Variants in GSE1 observed in about 807,000 individuals in gnomAD.
GSE1 encodes genetic suppressor element 1.
A neutral mutation model predicts 112.6 loss-of-function variants in GSE1; 32 were observed. That is an observed-to-expected ratio of 0.28 (90% CI 0.21 to 0.38). The LOEUF (loss-of-function observed/expected upper bound fraction) is 0.38. Ranked by LOEUF, GSE1 falls within the 10% of genes least tolerant of loss-of-function variation. The pLI is 1.00. For synonymous variants in GSE1, 1,115 were observed against 735.6 expected (o/e 1.52, Z -8.35); for missense variants, 2,348 against 1,699.2 (o/e 1.38, Z -6.71).
chr16:85,627,602 C>A (rs1392097982), intron 1 of GSE1, among the ~76,000 whole-genome samples: 1 of 152,100 alleles, frequency 6.6e-6, no homozygotes. Context: ...TCCACCTAGA[C>A]CCCTGGCTCG....
chr16:85,612,042 G>A (rs1244359707), upstream of GSE1, among the ~76,000 whole-genome samples: 3 of 152,108 alleles, frequency 2.0e-5, no homozygotes, highest in East Asian at 1.9e-4. Context: ...TTTGCCCCAG[G>A]GCTCAGAAGT....
At chr16:85,308,593 A>G (rs2045744578) in intron 1 of GSE1, among the ~76,000 whole-genome samples, 1 of 152,136 alleles carries the variant, frequency 6.6e-6, no homozygotes, top group East Asian at 1.9e-4. Context: ...TCATCTATTT[A>G]TTAAAACTGA....
intron 1 of GSE1, among the ~76,000 whole-genome samples, chr16:85,236,023 CGGCTGGGGCTGGGGCTGG>C (rs1056844271): frequency 7.4e-6 from 1 of 134,320 alleles, no homozygotes; most frequent in South Asian, 2.3e-4. Context: ...CCTGGGGCTG[CGGCTGGGGCTGGGGCTGG>C]GGCTGGGGCT....
At chr16:85,664,304 G>C (rs1056183514) in intron 11 of GSE1, among the ~76,000 whole-genome samples, 6 of 152,234 alleles carry the variant, frequency 3.9e-5, no homozygotes, top group African/African-American at 1.4e-4. Flanking sequence ...CTCTCTGGGA[G>C]AAAGTCGAAG....
chr16:85,533,785 A>C (rs1378399502), intron 2 of GSE1, among the ~76,000 whole-genome samples: 1 of 152,058 alleles, frequency 6.6e-6, no homozygotes, highest in Non-Finnish European at 1.5e-5. Context: ...GGATCGCTTG[A>C]GCCCGGGAGG....
At chr16:85,539,637 G>T (rs928614573) in intron 2 of GSE1, among the ~76,000 whole-genome samples, 3 of 152,208 alleles carry the variant, frequency 2.0e-5, no homozygotes, top group Non-Finnish European at 4.4e-5. Context: ...AGGCCGTTCT[G>T]TGGCTGGGTT....
Position 85,237,202 on chromosome 16 carries a change from A to C in GSE1, c.2283+65395A>C, listed in dbSNP as rs1904752743. ...AGCAGGCGTGGTGGCGGTCGCCTGT[A>C]ATCCCAGCTACTCGGGAGGCTGAGG... On this transcript the variant is annotated intron_variant, in intron 1 of 2. Transcript: ENST00000637419. Among the ~76,000 whole-genome samples, 7 of 152,302 alleles carry C rather than the reference A, an allele frequency of 4.6e-5. No individual in the cohort carries two copies. The South Asian group carries it at 1.4e-3, about 32-fold the overall frequency.
chr16:85,396,245 C>T (rs1467190531), intron 2 of GSE1, among the ~76,000 whole-genome samples: 1 of 152,264 alleles, frequency 6.6e-6, no homozygotes, highest in Non-Finnish European at 1.5e-5. Flanking sequence ...ACACGCTGTC[C>T]TGCTCACTCA....
intron 2 of GSE1, among the ~76,000 whole-genome samples, chr16:85,374,479 G>A (rs771241006): frequency 5.3e-5 from 8 of 151,876 alleles, no homozygotes; most frequent in Non-Finnish European, 1.2e-4. Flanking sequence ...ATGTATGATT[G>A]TGTGTGGGTG....
chr16:85,576,691 A>G (rs1206639605), intron 1 of GSE1, among the ~76,000 whole-genome samples: 1 of 152,154 alleles, frequency 6.6e-6, no homozygotes, highest in African/African-American at 2.4e-5. Flanking sequence ...AGAGTTTTAG[A>G]AACGCTTTTC....
intron 1 of GSE1, among the ~76,000 whole-genome samples, chr16:85,226,872 G>A (rs143571195): frequency 4.3e-4 from 64 of 150,238 alleles, no homozygotes; most frequent in African/African-American, 1.5e-3. Flanking sequence ...GGTAGCACTT[G>A]GTGAGGCTGG....
At chr16:85,249,179 G>T (rs1597186788) in intron 1 of GSE1, among the ~76,000 whole-genome samples, 1 of 152,244 alleles carries the variant, frequency 6.6e-6, no homozygotes, top group Non-Finnish European at 1.5e-5. Flanking sequence ...TATTTAAGCA[G>T]CAGCGGCCGC....
rs141380348 is a variant in GSE1, at chr16:85,459,867, C to T, written c.2464+102224C>T. 2.9e-3 allele frequency among the ~76,000 whole-genome samples: 439 copies of T among 152,344 alleles called. 1 individual carries two copies. Among genetic ancestry groups the T allele is most frequent in the Middle Eastern group, 0.027 (8 of 294 alleles). On this transcript the variant is annotated intron_variant, in intron 2 of 2. Coordinates refer to the GSE1 transcript ENST00000637419. ...CCTCCTTCACAGAGGGGGTTGCTGACGCCCAGGGAAGCTGAGCGATTCCCC... is the reference window on the plus strand; with the variant it reads ...CCTCCTTCACAGAGGGGGTTGCTGATGCCCAGGGAAGCTGAGCGATTCCCC...
intron 3 of GSE1, 31 bp downstream of exon 3, chr16:85,648,782 CCTCT>C: frequency 2.2e-6 from 3 of 1,355,904 alleles, no homozygotes; most frequent in Non-Finnish European, 3.0e-6. Flanking sequence ...AGCCTAGCGT[CCTCT>C]AAGTGGGGAG....
At chr16:85,385,686 C>G (rs1159809556) in intron 2 of GSE1, among the ~76,000 whole-genome samples, 1 of 152,204 alleles carries the variant, frequency 6.6e-6, no homozygotes, top group East Asian at 1.9e-4. Flanking sequence ...TTCACCTGCA[C>G]GTGTTTTCGC....
Position 85,616,403 on chromosome 16 carries a change from C to T in GSE1, c.7+3005C>T, listed in dbSNP as rs1304954658. On this transcript the variant is annotated intron_variant, in intron 1 of 15. Coordinates refer to ENST00000253458, the MANE Select transcript of GSE1 (RefSeq NM_014615.5). ...CGCAGGGGCTTGTGGAGTCGGCTAG[C>T]AGGGCCGGTTTTTCCTGGCCCCATT... Among the ~76,000 whole-genome samples the T allele has an allele frequency of 3.9e-5, 6 of 152,348 alleles. No homozygotes were observed. The South Asian group carries it at 1.2e-3, about 32-fold the overall frequency.
At chr16:85,470,373 G>A (rs1343133332) in intron 2 of GSE1, among the ~76,000 whole-genome samples, 1 of 152,182 alleles carries the variant, frequency 6.6e-6, no homozygotes, top group African/African-American at 2.4e-5. Flanking sequence ...GCAGAGCTGG[G>A]GCTCAGGCCT....
chr16:85,546,158 C>T (rs2044693107), intron 2 of GSE1, among the ~76,000 whole-genome samples: 1 of 152,180 alleles, frequency 6.6e-6, no homozygotes, highest in Admixed American at 6.5e-5. Context: ...GATCTCAGCT[C>T]ACTGCACCTT....
chr16:85,368,101 G>A (rs1332478560), intron 2 of GSE1, among the ~76,000 whole-genome samples: 6 of 152,092 alleles, frequency 3.9e-5, no homozygotes, highest in South Asian at 2.1e-4. Context: ...TGATCCACCC[G>A]CCTCAGCCTC....
Sources: allele counts gnomAD v4.1 joint callset (sites outside exome capture counted in the v4.1 genomes callset), GRCh38; gene constraint gnomAD v4.1.1; transcripts MANE v1.5; gene names NCBI Gene and HGNC (gene_info 2026-07-23, HGNC 2026-07-21).